The following PTPDC1 variants were observed in gnomAD, a reference collection of about 807,000 sequenced individuals.
PTPDC1 encodes the protein protein tyrosine phosphatase domain-containing protein 1.
PTPDC1 carries 53 observed loss-of-function variants against 75.3 expected under a neutral mutation model. The ratio of observed to expected loss-of-function variants is 0.70; its 90% CI spans 0.56 to 0.88. PTPDC1 has a LOEUF of 0.88. Among genes scored for constraint, PTPDC1 ranks in the 40% least tolerant of loss-of-function variants. The pLI is 0.00. For synonymous variants in PTPDC1, 349 were observed against 366.2 expected, an observed-to-expected ratio of 0.95 and a Z score of 0.54; for missense variants, 925 against 998.6, an observed-to-expected ratio of 0.93 and a Z score of 0.99.
At chr9:94,102,189 G>T (rs578048530) in intron 7 of PTPDC1, among the ~76,000 whole-genome samples, 29 of 152,118 alleles carry the variant, frequency 1.9e-4, no homozygotes, top group African/African-American at 7.0e-4. Flanking sequence ...ACTGTTGGTT[G>T]TTTGTTTCTA....
Position 94,084,783 on chromosome 9 carries a change from C to A in PTPDC1, c.244+9C>A. 1 of 1,533,830 alleles carries A rather than the reference C, an allele frequency of 6.5e-7. No individual in the cohort carries two copies. Among genetic ancestry groups the A allele is most frequent in the South Asian group, 1.3e-5 (1 of 78,732 alleles). On this transcript the variant is annotated intron_variant, in intron 1 of 8. Transcript: ENST00000620992. The stretch of plus-strand genomic sequence containing the variant: ...CGAAAGAAAAAGTAAAGGTCTCTTT[C>A]TTCTTATAGATTGCCATACCTATGT...
intron 1 of PTPDC1, 30 bp downstream of exon 1, chr9:94,084,804 T>A: frequency 6.9e-7 from 1 of 1,442,596 alleles, no homozygotes; most frequent in Non-Finnish European, 9.4e-7. Context: ...TTGCCATACC[T>A]ATGTATATAA....
At position 94,088,169 on chromosome 9, in the gene PTPDC1, C is replaced by A. The variant is rs775957819; in HGVS notation, c.522C>A (p.Asn174Lys). 1.3e-5 allele frequency: 21 copies of A among 1,613,556 alleles called. No individual in the cohort carries two copies. Among genetic ancestry groups the A allele is most frequent in the Non-Finnish European group, 1.6e-5 (19 of 1,179,902 alleles). Reference sequence around the variant, plus strand: ...GCCATGGCATAAAAACAATAATCAACCTCCAGCGCCCTGGTGAGCATGCTA... The same window carrying A: ...GCCATGGCATAAAAACAATAATCAAACTCCAGCGCCCTGGTGAGCATGCTA... ...FLSHGIKTIINLQRPGEHASC... is the reference protein window; with the variant it reads ...FLSHGIKTIIKLQRPGEHASC... The change falls in exon 4 of 9, where the codon AAC (asparagine) becomes AAA (lysine). Residue 174 changes from asparagine to lysine, a missense_variant. Transcript: ENST00000620992.
rs1415313924 is a variant in PTPDC1 at position 94,097,336 on chromosome 9, G to C, written c.770G>C (p.Cys257Ser). 7 of 1,607,416 alleles carry C rather than the reference G, an allele frequency of 4.4e-6. No individual in the cohort carries two copies. Among genetic ancestry groups the C allele is most frequent in the Non-Finnish European group, 6.0e-6 (7 of 1,175,818 alleles). ...CACTGTTTAGGTGTTTTAATAGCCT[G>C]TTACTTAGTTTTTGCAACGAGAATG... is the stretch of plus-strand genomic sequence containing the variant. ...GLGRTGVLIA[C>S]YLVFATRMTA... The change falls in exon 6 of 9, where the codon TGT (cysteine) becomes TCT (serine). Residue 257 changes from cysteine to serine, a missense_variant. Cys to Ser is a moderately radical substitution (Grantham distance 112). Coordinates refer to ENST00000620992, the MANE Select transcript of PTPDC1 (RefSeq NM_001253829.2).
chr9:94,071,639 AC>A (rs1033861833), intron 2 of PTPDC1, among the ~76,000 whole-genome samples: 4 of 152,146 alleles, frequency 2.6e-5, no homozygotes, highest in African/African-American at 9.7e-5. Context: ...CTGTCCATCC[AC>A]CAATACCACC....
At chr9:94,047,084 C>A (rs1236295905) in intron 1 of PTPDC1, among the ~76,000 whole-genome samples, 2 of 152,178 alleles carry the variant, frequency 1.3e-5, no homozygotes, top group South Asian at 4.1e-4. Context: ...AAGGCCTTTT[C>A]TGCATCTATT....
chr9:94,052,035 A>C (rs1825807417), intron 1 of PTPDC1, among the ~76,000 whole-genome samples: 1 of 152,090 alleles, frequency 6.6e-6, no homozygotes, highest in African/African-American at 2.4e-5. Flanking sequence ...GCATCCCATA[A>C]ATTTTGATGT....
chr9:94,041,957 T>C (rs1825438473), intron 1 of PTPDC1, among the ~76,000 whole-genome samples: 1 of 152,218 alleles, frequency 6.6e-6, no homozygotes, highest in Non-Finnish European at 1.5e-5. Flanking sequence ...TATTAATCTG[T>C]GTATGCATAC....
chr9:94,035,658 C>T lies in PTPDC1; in HGVS notation c.-7+4531C>T, dbSNP rs1825241729. On this transcript the variant is annotated intron_variant, in intron 1 of 9. Coordinates refer to the PTPDC1 transcript ENST00000375360. ...AATAAACGTGGGCATGCAGACATCT[C>T]TTCAACTGATTTCAAATCTTTTGGG... Among the ~76,000 whole-genome samples, 9 of 152,194 alleles carry T rather than the reference C, an allele frequency of 5.9e-5. No homozygotes were observed. In the South Asian group the frequency reaches 1.9e-3, roughly 31 times the overall value.
intron 1 of PTPDC1, among the ~76,000 whole-genome samples, chr9:94,064,467 A>G (rs559924771): frequency 1.3e-5 from 2 of 152,362 alleles, no homozygotes; most frequent in South Asian, 2.1e-4. Flanking sequence ...GAGCAATACA[A>G]TAATCTGTTA....
At chr9:94,073,080 G>A (rs377660623) in intron 2 of PTPDC1, among the ~76,000 whole-genome samples, 7 of 152,182 alleles carry the variant, frequency 4.6e-5, no homozygotes, top group Admixed American at 1.3e-4. Flanking sequence ...GGAAGGCATT[G>A]TGGAAAATTG....
chr9:94,082,554 T>A (rs996024558), upstream of PTPDC1, among the ~76,000 whole-genome samples: 10 of 152,254 alleles, frequency 6.6e-5, no homozygotes, highest in Admixed American at 5.9e-4. Context: ...TTTTGTTCCT[T>A]AAATATTATT....
intron 8 of PTPDC1, among the ~76,000 whole-genome samples, chr9:94,105,822 A>C (rs2118108150): frequency 6.6e-6 from 1 of 151,224 alleles, no homozygotes; most frequent in Non-Finnish European, 1.5e-5. Context: ...AATACAAAAA[A>C]ATTAACTGGG....
At chr9:94,049,714 G>A (rs1472075274) in intron 1 of PTPDC1, among the ~76,000 whole-genome samples, 1 of 152,148 alleles carries the variant, frequency 6.6e-6, no homozygotes, top group African/African-American at 2.4e-5. Flanking sequence ...TTCTCAAGGA[G>A]TATCTTTGTG....
chr9:94,089,300 A>G (rs995861848), intron 4 of PTPDC1, among the ~76,000 whole-genome samples: 58 of 148,344 alleles, frequency 3.9e-4, no homozygotes, highest in African/African-American at 1.3e-3. Flanking sequence ...TCATTGTTCA[A>G]TTCCCACCTA....
At chr9:94,055,531 A>G (rs1825905800) in intron 1 of PTPDC1, among the ~76,000 whole-genome samples, 2 of 152,242 alleles carry the variant, frequency 1.3e-5, no homozygotes, top group South Asian at 4.1e-4. Context: ...GAAACAAGCT[A>G]TTAAGCTATG....
intron 1 of PTPDC1, among the ~76,000 whole-genome samples, chr9:94,044,983 TC>T (rs1251945227): frequency 9.0e-6 from 1 of 110,860 alleles, no homozygotes. Flanking sequence ...ACTAATGCTA[TC>T]CCTCCCCCCT....
chr9:94,049,806 T>C (rs969244921), intron 1 of PTPDC1, among the ~76,000 whole-genome samples: 15 of 152,224 alleles, frequency 9.9e-5, no homozygotes, highest in Non-Finnish European at 1.8e-4. Context: ...TCCTGCAGAG[T>C]GTTTTCCAAC....
At chr9:94,096,714 G>T (rs970060525) in intron 5 of PTPDC1, among the ~76,000 whole-genome samples, 1 of 152,060 alleles carries the variant, frequency 6.6e-6, no homozygotes, top group African/African-American at 2.4e-5. Flanking sequence ...TGGTCTGAAG[G>T]AAAACACATA....
Sources: allele counts gnomAD v4.1 joint callset (sites outside exome capture counted in the v4.1 genomes callset), GRCh38; gene constraint gnomAD v4.1.1; transcripts MANE v1.5; gene names NCBI Gene and HGNC (gene_info 2026-07-23, HGNC 2026-07-21).